The following IFT140 variants were observed in gnomAD, a reference collection of about 807,000 sequenced individuals.
IFT140 encodes intraflagellar transport protein 140 homolog.
IFT140 carries 133 observed loss-of-function variants against 164.6 expected under a neutral mutation model. The observed-to-expected ratio is 0.81, with a 90% CI of 0.70 to 0.93. The LOEUF (loss-of-function observed/expected upper bound fraction) is 0.93, where lower values mean the gene tolerates loss of function less well. Ranked by LOEUF, IFT140 falls within the 40% of genes least tolerant of loss-of-function variation. IFT140 has a pLI of 0.00. For synonymous variants in IFT140, 860 were observed against 817.3 expected (o/e 1.05, Z -0.89); for missense variants, 2,045 against 1,972.3 (o/e 1.04, Z -0.70).
chr16:1,524,006 G>T (rs368424119), intron 24 of IFT140, 50 bp from the exon 25 acceptor site: 2 of 1,587,508 alleles, frequency 1.3e-6, no homozygotes, highest in Non-Finnish European at 8.5e-7. Context: ...GGCTTCCCCA[G>T]GTCCGCTGAG....
rs957313763 is a variant in IFT140 at position 1,526,858 on chromosome 16, G to A, written c.2400-62C>T. 16 of 1,513,070 alleles carry A rather than the reference G, an allele frequency of 1.1e-5. No individual in the cohort carries two copies. In the Admixed American group the frequency reaches 1.2e-4, roughly 12 times the overall value. 93.7% of individuals were successfully genotyped at this position (1,513,070 alleles called of 1,614,324 possible). ...GCACCTCAGGGCCCCCTGGCCCTAC[G>A]GCCCCTTCTCCTGGGGCAAGTAGTC... On this transcript the variant is annotated intron_variant, in intron 19 of 30. Transcript: ENST00000426508.
At chr16:1,523,799 C>T (rs1395787058) in intron 25 of IFT140, 29 bp downstream of exon 25, 11 of 1,609,104 alleles carry the variant, frequency 6.8e-6, no homozygotes, top group Middle Eastern at 1.7e-4. Context: ...TGCCCCTCCC[C>T]CAGGTCCCCA....
rs1449131851 is a variant in IFT140, at chr16:1,564,798, G to A, written c.1902-636C>T. Among the ~76,000 whole-genome samples the A allele has an allele frequency of 2.6e-5, 4 of 152,134 alleles. No homozygotes were observed. The highest frequency in any genetic ancestry group is 9.7e-5 in the African/African-American group (4 of 41,422). On this transcript the variant is annotated intron_variant, in intron 16 of 30. Coordinates refer to ENST00000426508, the MANE Select transcript of IFT140 (RefSeq NM_014714.4). The surrounding 1 kb of genome is among the most constrained non-coding windows in gnomAD (Gnocchi z 5.5). The stretch of plus-strand genomic sequence containing the variant: ...CCAGGCTGCAGAGTGGGACCCTGCC[G>A]GGCAGCACGACCCATGGCTGCTGAA...
rs528281492 is a variant in IFT140, at chr16:1,588,007, T to C, written c.828A>G (p.Lys276=). ...EEVMKVKLSG[K]TGRRADIALI... is the part of the protein sequence containing the mutation. ...AAGCGATGTCTGCCCGGCGGCCGGT[T>C]TTCCCGCTCAGCTTGACCTGTGTGA... The change falls in exon 8 of 31, where the codon AAA becomes AAG. Residue 276 remains lysine, a synonymous_variant. Coordinates refer to ENST00000426508, the MANE Select transcript of IFT140 (RefSeq NM_014714.4). 2.5e-6 allele frequency: 4 copies of C among 1,613,800 alleles called. No individual in the cohort carries two copies. Among genetic ancestry groups the C allele is most frequent in the South Asian group, 2.2e-5 (2 of 91,000 alleles).
intron 22 of IFT140, 119 bp from the exon 23 acceptor site, chr16:1,525,035 G>A (rs1414345774): frequency 1.4e-6 from 2 of 1,418,584 alleles, no homozygotes; most frequent in Non-Finnish European, 1.9e-6. Flanking sequence ...AAACAGGCTG[G>A]GCCAAGAGTG....
intron 19 of IFT140, among the ~76,000 whole-genome samples, chr16:1,552,003 G>A (rs1249311948): frequency 1.3e-5 from 2 of 152,156 alleles, no homozygotes; most frequent in Non-Finnish European, 2.9e-5. Context: ...TCCCCTATGT[G>A]TGGAAACTGA....
In IFT140 at chr16:1,586,285, G is replaced by T. The variant is rs376722338; in HGVS notation, c.1010-10C>A. Reference sequence around the variant, plus strand: ...CCAGCGGCCAGAAGACCTACAGGTAGAAACAAACTGCATGTGAACAGAGTT... The same window carrying T: ...CCAGCGGCCAGAAGACCTACAGGTATAAACAAACTGCATGTGAACAGAGTT... On this transcript the variant is annotated splice_polypyrimidine_tract_variant and intron_variant, in intron 9 of 30. Coordinates refer to ENST00000426508, the MANE Select transcript of IFT140 (RefSeq NM_014714.4). 1.1e-5 allele frequency: 18 copies of T among 1,608,404 alleles called. No individual in the cohort carries two copies. Among genetic ancestry groups the T allele is most frequent in the Non-Finnish European group, 1.4e-5 (17 of 1,177,436 alleles).
chr16:1,554,291 G>C (rs1458732575), intron 19 of IFT140, among the ~76,000 whole-genome samples: 1 of 152,246 alleles, frequency 6.6e-6, no homozygotes, highest in East Asian at 1.9e-4. Context: ...AAACTGACCT[G>C]TTTCCAGATA....
At chr16:1,544,350 ATT>A (rs557776071) in intron 19 of IFT140, among the ~76,000 whole-genome samples, 3 of 151,302 alleles carry the variant, frequency 2.0e-5, no homozygotes, top group South Asian at 2.1e-4. Flanking sequence ...TGCCCGGCTA[ATT>A]TTTTTTGTAT....
chr16:1,520,532 G>T, intron 27 of IFT140, 70 bp downstream of exon 27: 1 of 1,464,782 alleles, frequency 6.8e-7, no homozygotes. Context: ...GGCAAATGGA[G>T]ATGCGTGCAG....
intron 10 of IFT140, 149 bp from the exon 11 acceptor site, chr16:1,584,569 T>C: frequency 1.5e-6 from 1 of 660,712 alleles, no homozygotes; most frequent in Middle Eastern, 3.7e-4. Context: ...TATAAGACAT[T>C]ATAAGAAAAG....
chr16:1,565,039 C>T (rs1046533816), intron 16 of IFT140, among the ~76,000 whole-genome samples: 1 of 152,088 alleles, frequency 6.6e-6, no homozygotes, highest in African/African-American at 2.4e-5. Flanking sequence ...CGGCCTGGTA[C>T]GGGACGGGAA....
At chr16:1,566,128 T>C (rs2033700457) in intron 16 of IFT140, 33 bp downstream of exon 16, 1 of 1,604,540 alleles carries the variant, frequency 6.2e-7, no homozygotes, top group Non-Finnish European at 8.5e-7. Context: ...ACATCATTTT[T>C]TCCAACAAAA....
Position 1,584,270 on chromosome 16 carries a change from C to T in IFT140, c.1306G>A (p.Val436Ile). 1.9e-6 allele frequency: 3 copies of T among 1,613,828 alleles called. No individual in the cohort carries two copies. Among genetic ancestry groups the T allele is most frequent in the Non-Finnish European group, 2.5e-6 (3 of 1,180,020 alleles). Residue 436 changes from valine (V) to isoleucine (I), a missense_variant, in exon 11 of 31, where the codon GTC becomes ATC. Physicochemically the swap from Val to Ile is conservative, Grantham distance 29. Coordinates refer to ENST00000426508, the MANE Select transcript of IFT140 (RefSeq NM_014714.4). ...LLNVCFLSTG[V>I]AHSLRTDMHI... ...ATGTCGGTGCGCAGGCTGTGTGCGA[C>T]CCCCGTGGACAGGAAGCACACATTC...
rs1596304034 is a variant in IFT140 at position 1,524,775 on chromosome 16, G to C, written c.2997+9C>G. 4 of 1,600,910 alleles carry C rather than the reference G, an allele frequency of 2.5e-6. No homozygotes were observed. The Admixed American group carries it at 6.7e-5, about 27-fold the overall frequency. On this transcript the variant is annotated intron_variant, in intron 23 of 30. Coordinates refer to ENST00000426508, the MANE Select transcript of IFT140 (RefSeq NM_014714.4). ...GTCCGCCTGGCCGGCTCCCCTGCGG[G>C]GACCTTACCTTCTGGACATTGCCCT...
Position 1,573,253 on chromosome 16 carries a change from C to T in IFT140, c.1525-1719G>A, listed in dbSNP as rs1446731499. ...CACAGGATAAAAAGAGCAGGGGGAG[C>T]GGACTAGCTGATGGGGCCAGGGCTG... On this transcript the variant is annotated intron_variant, in intron 13 of 30. Transcript: ENST00000426508. Among the ~76,000 whole-genome samples the T allele has an allele frequency of 2.6e-5, 4 of 152,072 alleles. No homozygotes were observed. In the East Asian group the frequency reaches 7.7e-4, roughly 29 times the overall value.
intron 30 of IFT140, among the ~76,000 whole-genome samples, chr16:1,516,467 T>C (rs1168352770): frequency 6.6e-6 from 1 of 151,678 alleles, no homozygotes; most frequent in African/African-American, 2.4e-5. Flanking sequence ...TAAAATGAAA[T>C]TATAAAAAAT....
chr16:1,555,382 A>G (rs903876812), intron 19 of IFT140: 18 of 238,772 alleles, frequency 7.5e-5, no homozygotes, highest in Non-Finnish European at 1.3e-4. Flanking sequence ...ATCTGCTGAG[A>G]GGGGCACCCC....
chr16:1,578,578 TAAA>T (rs36091619), intron 13 of IFT140, among the ~76,000 whole-genome samples: 6 of 138,914 alleles, frequency 4.3e-5, no homozygotes, highest in Non-Finnish European at 4.7e-5. Flanking sequence ...TCCTGTCCCT[TAAA>T]AAAAAAAAAA....
Sources: gnomAD v4.1 joint callset for allele counts (sites outside exome capture counted in the v4.1 genomes callset) on GRCh38, gnomAD v4.1.1 for gene constraint, Gnocchi (gnomAD v3.1) non-coding constraint, MANE v1.5 for transcripts, NCBI Gene and HGNC (gene_info 2026-07-23, HGNC 2026-07-21) for gene names.